The following MCF2L2 variants were observed in gnomAD, a reference collection of about 807,000 sequenced individuals.
MCF2L2 encodes MCF.2 cell line derived transforming sequence-like 2, also known as probable guanine nucleotide exchange factor MCF2L2.
MCF2L2 carries 102 observed loss-of-function variants against 150.2 expected under a neutral mutation model. The observed-to-expected ratio is 0.68, with a 90% confidence interval of 0.58 to 0.80. The LOEUF (loss-of-function observed/expected upper bound fraction) is 0.80, where lower values mean the gene tolerates loss of function less well. MCF2L2 is among the 30% of genes least tolerant of loss of function. MCF2L2 has a pLI of 0.00. For missense variants in MCF2L2, 1,256 were observed against 1,372.8 expected (o/e 0.91, Z 1.34); for synonymous variants, 465 against 491.3 (o/e 0.95, Z 0.71).
intron 3 of MCF2L2, among the ~76,000 whole-genome samples, chr3:183,349,446 C>A (rs989629728): frequency 6.6e-6 from 1 of 152,092 alleles, no homozygotes; most frequent in African/African-American, 2.4e-5. Context: ...TTCTTTGATT[C>A]ATAGGTTATA....
At chr3:183,372,967 G>A (rs770764536) in intron 3 of MCF2L2, 1 of 152,170 alleles carries the variant, frequency 6.6e-6, no homozygotes, top group Non-Finnish European at 1.5e-5. Context: ...AGGGAGGCAG[G>A]AGCCTAGGAG....
At chr3:183,394,106 C>A (rs973881783) in intron 1 of MCF2L2, among the ~76,000 whole-genome samples, 2 of 152,188 alleles carry the variant, frequency 1.3e-5, no homozygotes, top group African/African-American at 4.8e-5. Context: ...GTTTGGCAGA[C>A]CCTGTGACAT....
intron 3 of MCF2L2, among the ~76,000 whole-genome samples, chr3:183,371,270 G>C (rs910004858): frequency 6.6e-6 from 1 of 152,154 alleles, no homozygotes; most frequent in Non-Finnish European, 1.5e-5. Flanking sequence ...AGGAGGTCTT[G>C]ACAACAAGTG....
At chr3:183,401,729 C>T (rs754961181) in intron 1 of MCF2L2, among the ~76,000 whole-genome samples, 14 of 152,308 alleles carry the variant, frequency 9.2e-5, no homozygotes, top group African/African-American at 2.4e-5. Context: ...CTCAGGATAA[C>T]GCATTTGAGA....
At chr3:183,216,146 TGAA>T in intron 21 of MCF2L2, 52 bp from the exon 22 acceptor site, 1 of 1,596,182 alleles carries the variant, frequency 6.3e-7, no homozygotes, top group Non-Finnish European at 8.5e-7. Context: ...ATCTGCAAAG[TGAA>T]GAAGGAAAAC....
intron 5 of MCF2L2, among the ~76,000 whole-genome samples, chr3:183,332,526 C>T (rs184911566): frequency 2.0e-5 from 3 of 152,250 alleles, no homozygotes; most frequent in African/African-American, 4.8e-5. Flanking sequence ...TATCTGTGTA[C>T]ATATGAGCAC....
chr3:183,375,821 T>C (rs1388198832), intron 3 of MCF2L2: 1 of 152,238 alleles, frequency 6.6e-6, no homozygotes, highest in East Asian at 1.9e-4. Flanking sequence ...ACTCTGGTAC[T>C]GGATAACTAT....
At chr3:183,278,239 T>C (rs182874117) in intron 14 of MCF2L2, among the ~76,000 whole-genome samples, 1 of 147,166 alleles carries the variant, frequency 6.8e-6, no homozygotes, top group East Asian at 2.0e-4. Flanking sequence ...ATTAAACAAA[T>C]AAAAATAAAA....
At chr3:183,195,315 T>TA (rs1272459357) in intron 25 of MCF2L2, 60 bp from the exon 26 acceptor site, 43 of 1,180,108 alleles carry the variant, frequency 3.6e-5, no homozygotes, top group Non-Finnish European at 4.8e-5. Context: ...GAATTGATTT[T>TA]ACATAGTGAT....
intron 13 of MCF2L2, among the ~76,000 whole-genome samples, chr3:183,290,653 C>A (rs1186471677): frequency 1.3e-5 from 2 of 152,142 alleles, no homozygotes; most frequent in Non-Finnish European, 2.9e-5. Context: ...TCTGCCTCAG[C>A]CTCCCAAGTA....
intron 1 of MCF2L2, among the ~76,000 whole-genome samples, chr3:183,413,447 C>A (rs1342184869): frequency 6.6e-6 from 1 of 152,214 alleles, no homozygotes; most frequent in East Asian, 1.9e-4. Context: ...TCTTACAATG[C>A]AGTCCTTTGT....
rs1334927003 is a variant in MCF2L2, at chr3:183,270,505, A to G, written c.1862+6367T>C. Reference sequence around the variant, plus strand: ...CCTCCCATTAGAGATAAAAGCAGCAAATACTACGTGTCCTATGAAATGTAC... The same window carrying G: ...CCTCCCATTAGAGATAAAAGCAGCAGATACTACGTGTCCTATGAAATGTAC... On this transcript the variant is annotated intron_variant, in intron 15 of 29. Transcript: ENST00000328913. The surrounding 1 kb of genome is among the most constrained non-coding windows in gnomAD (Gnocchi z 4.5). 2 of 1,614,092 alleles carry G rather than the reference A, an allele frequency of 1.2e-6. No individual in the cohort carries two copies. The highest frequency in any genetic ancestry group is 2.7e-5 in the African/African-American group (2 of 74,928).
chr3:183,275,260 ATAAT>A (rs1159712941), intron 15 of MCF2L2, among the ~76,000 whole-genome samples: 1 of 152,218 alleles, frequency 6.6e-6, no homozygotes, highest in African/African-American at 2.4e-5. Context: ...AGGGTTCTGA[ATAAT>A]TAATCATCTC....
At chr3:183,242,353 G>T (rs925521306) in intron 15 of MCF2L2, among the ~76,000 whole-genome samples, 2 of 152,200 alleles carry the variant, frequency 1.3e-5, no homozygotes, top group Non-Finnish European at 2.9e-5. Flanking sequence ...GACCTTTGTG[G>T]CAACCCCTCC....
intron 27 of MCF2L2, among the ~76,000 whole-genome samples, chr3:183,187,274 G>A (rs1721732163): frequency 6.6e-6 from 1 of 152,180 alleles, no homozygotes; most frequent in Admixed American, 6.5e-5. Context: ...TACCCGACGA[G>A]GGACCTGTAG....
chr3:183,385,646 A>T (rs1202276656), intron 2 of MCF2L2, among the ~76,000 whole-genome samples: 1 of 152,252 alleles, frequency 6.6e-6, no homozygotes, highest in Non-Finnish European at 1.5e-5. Flanking sequence ...ACAACCATCA[A>T]GATAAATATA....
At chr3:183,311,513 GT>G (rs928814867) in intron 8 of MCF2L2, 134 bp downstream of exon 8, 7 of 973,184 alleles carry the variant, frequency 7.2e-6, no homozygotes, top group Non-Finnish European at 1.1e-5. Flanking sequence ...TTTTTCCTTT[GT>G]TGTCTCAAAT....
chr3:183,247,615 G>A (rs1185296506), intron 15 of MCF2L2, among the ~76,000 whole-genome samples: 3 of 152,136 alleles, frequency 2.0e-5, no homozygotes, highest in African/African-American at 7.2e-5. Context: ...CTCCATCTCT[G>A]TAGGTTCCAC....
intron 18 of MCF2L2, chr3:183,225,844 T>C (rs1285560367): frequency 6.6e-6 from 1 of 152,268 alleles, no homozygotes; most frequent in African/African-American, 2.4e-5. Context: ...CATTATTTTG[T>C]TTCCCACAAC....
Sources: gnomAD v4.1 joint callset for allele counts (sites outside exome capture counted in the v4.1 genomes callset) on GRCh38, gnomAD v4.1.1 for gene constraint, Gnocchi (gnomAD v3.1) non-coding constraint, MANE v1.5 for transcripts, NCBI Gene and HGNC (gene_info 2026-07-23, HGNC 2026-07-21) for gene names.